Variants in HPSE2 observed in about 807,000 individuals in gnomAD.
HPSE2 encodes the protein heparanase 2 (inactive).
HPSE2 carries 38 observed loss-of-function variants against 60.5 expected under a neutral mutation model. The ratio of observed to expected loss-of-function variants is 0.63; its 90% CI spans 0.48 to 0.82. The LOEUF (loss-of-function observed/expected upper bound fraction) is 0.82. Ranked by LOEUF, HPSE2 falls within the 40% of genes least tolerant of loss-of-function variation. The probability of loss-of-function intolerance (pLI) is 0.00; values close to 1 mark genes in which losing one functional copy is unlikely to be tolerated. For missense variants in HPSE2, 713 were observed against 740.4 expected, an observed-to-expected ratio of 0.96 and a Z score of 0.43; for synonymous variants, 295 against 293.2, an observed-to-expected ratio of 1.01 and a Z score of -0.06.
In HPSE2 at chr10:99,023,302, G is replaced by T. The variant is rs183258749; in HGVS notation, c.610+120936C>A. On this transcript the variant is annotated intron_variant, in intron 3 of 11. Coordinates refer to ENST00000370552, the MANE Select transcript of HPSE2 (RefSeq NM_021828.5). ...GAAAGAGTGGGAAGAACTGCATCTT[G>T]TAGTCTGAGTGCCATGTCAGCCACA... 2.4e-4 allele frequency among the ~76,000 whole-genome samples: 37 copies of T among 152,154 alleles called. No individual in the cohort carries two copies. In the East Asian group the frequency reaches 5.0e-3, roughly 21 times the overall value.
chr10:98,836,448 T>C (rs550409443), intron 3 of HPSE2, among the ~76,000 whole-genome samples: 1 of 152,314 alleles, frequency 6.6e-6, no homozygotes, highest in South Asian at 2.1e-4. Flanking sequence ...ATCTGCCTCC[T>C]TGAAGGAGAT....
chr10:98,918,560 T>G (rs542103625), intron 3 of HPSE2, among the ~76,000 whole-genome samples: 12 of 150,142 alleles, frequency 8.0e-5, no homozygotes, highest in Admixed American at 1.3e-4. Flanking sequence ...ATCATCATTC[T>G]CAGTAAACTA....
intron 5 of HPSE2, 132 bp downstream of exon 5, chr10:98,721,525 T>A (rs969184347): frequency 4.8e-6 from 4 of 840,778 alleles, no homozygotes; most frequent in Non-Finnish European, 7.3e-6. Context: ...GTGAAGCCAC[T>A]ATGGAAAGAG....
chr10:98,619,179 T>A (rs1216715275), intron 8 of HPSE2, among the ~76,000 whole-genome samples: 1 of 151,956 alleles, frequency 6.6e-6, no homozygotes, highest in African/African-American at 2.4e-5. Context: ...TAAGAACAGC[T>A]GTTAGTAGCA....
chr10:99,184,817 TATAGAGAGAGAGAG>T (rs1330888844), intron 2 of HPSE2, among the ~76,000 whole-genome samples: 23 of 17,198 alleles, frequency 1.3e-3, no homozygotes, highest in African/African-American at 2.9e-3. Flanking sequence ...TATATATATA[TATAGAGAGAGAGAG>T]AGAGAGAGAG....
intron 6 of HPSE2, among the ~76,000 whole-genome samples, chr10:98,665,849 A>T (rs2134098614): frequency 6.6e-6 from 1 of 152,318 alleles, no homozygotes; most frequent in African/African-American, 2.4e-5. Flanking sequence ...CACATAGCCC[A>T]CAGACAATAT....
At chr10:99,245,814 TA>T in the HPSE2 span, among the ~76,000 whole-genome samples, 1 of 152,154 alleles carries the variant, frequency 6.6e-6, no homozygotes, top group Non-Finnish European at 1.5e-5. Flanking sequence ...AAAAGGCCAT[TA>T]AAACATTTGA....
intron 3 of HPSE2, among the ~76,000 whole-genome samples, chr10:98,957,766 T>C (rs925258924): frequency 6.6e-6 from 1 of 152,174 alleles, no homozygotes; most frequent in African/African-American, 2.4e-5. Context: ...AGGCATGCCA[T>C]GAACAGAGAT....
intron 9 of HPSE2, among the ~76,000 whole-genome samples, chr10:98,577,394 G>A (rs574220773): frequency 1.3e-5 from 2 of 152,242 alleles, no homozygotes; most frequent in Admixed American, 1.3e-4. Flanking sequence ...GACTCATCCT[G>A]TGTAAACTAA....
At chr10:98,789,832 G>C (rs1466504409) in intron 3 of HPSE2, among the ~76,000 whole-genome samples, 1 of 152,160 alleles carries the variant, frequency 6.6e-6, no homozygotes, top group African/African-American at 2.4e-5. Context: ...ATAAATATAA[G>C]ACACCCATTC....
chr10:98,563,277 T>C (rs1018422421), intron 9 of HPSE2, among the ~76,000 whole-genome samples: 3 of 152,206 alleles, frequency 2.0e-5, no homozygotes, highest in African/African-American at 7.2e-5. Flanking sequence ...TGGATGAACC[T>C]TGAAGACATT....
chr10:99,231,562 T>C (rs1300545900), intron 2 of HPSE2, among the ~76,000 whole-genome samples: 1 of 152,134 alleles, frequency 6.6e-6, no homozygotes, highest in Non-Finnish European at 1.5e-5. Flanking sequence ...TTATCCCTAG[T>C]AAAAATGAGA....
intron 2 of HPSE2, among the ~76,000 whole-genome samples, chr10:99,145,820 T>C (rs539818611): frequency 1.3e-5 from 2 of 152,326 alleles, no homozygotes; most frequent in African/African-American, 2.4e-5. Context: ...TCTGGAGAAG[T>C]AGTCTTTTCT....
chr10:98,731,886 C>A (rs764033854), intron 4 of HPSE2, among the ~76,000 whole-genome samples: 23 of 152,016 alleles, frequency 1.5e-4, no homozygotes, highest in Middle Eastern at 3.2e-3. Flanking sequence ...CCTAAGGAAT[C>A]CACACACAGG....
chr10:98,597,970 CAAAAAAAAAAAAAA>C (rs571184082), intron 9 of HPSE2, among the ~76,000 whole-genome samples: 1 of 55,150 alleles, frequency 1.8e-5, no homozygotes, highest in African/African-American at 6.6e-5. Flanking sequence ...GACTCCATCT[CAAAAAAAAAAAAAA>C]AAAAAAAAAA....
chr10:98,907,778 G>A (rs1953864423), intron 3 of HPSE2, among the ~76,000 whole-genome samples: 2 of 152,068 alleles, frequency 1.3e-5, no homozygotes, highest in South Asian at 2.1e-4. Context: ...TGCTTTCCAG[G>A]GTTGCTAGGA....
intron 2 of HPSE2, among the ~76,000 whole-genome samples, chr10:99,163,242 T>C (rs1846919364): frequency 6.6e-6 from 1 of 152,096 alleles, no homozygotes; most frequent in Admixed American, 6.6e-5. Context: ...CATTTTAACA[T>C]TGTTTTCATA....
At chr10:98,947,460 A>T (rs1792290761) in intron 3 of HPSE2, among the ~76,000 whole-genome samples, 3 of 152,294 alleles carry the variant, frequency 2.0e-5, no homozygotes, top group African/African-American at 7.2e-5. Context: ...GCTTTTAAAA[A>T]GTCAAGATAA....
chr10:98,730,548 C>A (rs1485739152), intron 4 of HPSE2, among the ~76,000 whole-genome samples: 1 of 151,254 alleles, frequency 6.6e-6, no homozygotes, highest in Non-Finnish European at 1.5e-5. Context: ...TTTGAAAAGA[C>A]CACAAAACCG....
Sources: gnomAD v4.1 joint callset for allele counts (sites outside exome capture counted in the v4.1 genomes callset) on GRCh38, gnomAD v4.1.1 for gene constraint, MANE v1.5 for transcripts, NCBI Gene and HGNC (gene_info 2026-07-23, HGNC 2026-07-21) for gene names.